UFC1: variants seen among roughly 807,000 people sequenced by gnomAD.
UFC1 encodes ubiquitin-fold modifier-conjugating enzyme 1.
In UFC1, 22 loss-of-function variants were observed where a neutral mutation model predicts 28.0. That is an observed-to-expected ratio of 0.78 (90% CI 0.56 to 1.12). The LOEUF (loss-of-function observed/expected upper bound fraction) is 1.12. UFC1 is among the 50% of genes most tolerant of loss of function. The pLI is 0.00. For synonymous variants in UFC1, 61 were observed against 74.5 expected (o/e 0.82, Z 0.93); for missense variants, 189 against 207.8 (o/e 0.91, Z 0.56).
At chr1:161,157,892 T>TA in intron 4 of UFC1, 199 bp downstream of exon 4, 1 of 624,612 alleles carries the variant, frequency 1.6e-6, no homozygotes, top group South Asian at 2.0e-5. Flanking sequence ...CCTCTGAACT[T>TA]AAAAGATGTA....
At position 161,154,136 on chromosome 1, in the gene UFC1, A is replaced by G. The variant is rs1657439906; in HGVS notation, c.123+16A>G. On this transcript the variant is annotated intron_variant, in intron 1 of 5. Coordinates refer to ENST00000368003, the MANE Select transcript of UFC1 (RefSeq NM_016406.4). ...CCTTATCCGGGTTAGTTGTGTTTCTACAGTCTAACGCGTAGCATAAGGGTT... is the reference window on the plus strand; with the variant it reads ...CCTTATCCGGGTTAGTTGTGTTTCTGCAGTCTAACGCGTAGCATAAGGGTT... 12 of 1,613,784 alleles carry G rather than the reference A, an allele frequency of 7.4e-6. No individual in the cohort carries two copies. The East Asian group carries it at 8.9e-5, about 12-fold the overall frequency.
At chr1:161,158,335 G>T (rs996968542) in intron 5 of UFC1, 77 bp from the exon 6 acceptor site, 1 of 1,591,622 alleles carries the variant, frequency 6.3e-7, no homozygotes, top group Admixed American at 1.7e-5. Context: ...CCCAGAATCT[G>T]TCTCCAGGAA....
At chr1:161,157,414 CTT>C in intron 3 of UFC1, 97 bp downstream of exon 3, 1 of 1,518,910 alleles carries the variant, frequency 6.6e-7, no homozygotes, top group Non-Finnish European at 9.1e-7. Context: ...CCAAAGAAAA[CTT>C]TAAAAATGGG....
At position 161,157,311 on chromosome 1, in the gene UFC1, G is replaced by A. The variant is rs769414580; in HGVS notation, c.249G>A (p.Glu83=). 1.2e-6 allele frequency: 2 copies of A among 1,614,238 alleles called. No homozygotes were observed. The highest frequency in any genetic ancestry group is 1.7e-6 in the Non-Finnish European group (2 of 1,180,036). ...TCCTGAAATATGAGTTTGACATCGA[G>A]TTTGACGTGAGTGTGATAGAGTGGG... ...HDLLKYEFDI[E]FDIPITYPTT... Residue 83 remains glutamate (E), a synonymous_variant, in exon 3 of 6, where the codon GAG becomes GAA. Transcript: ENST00000368003.
At chr1:161,158,076 T>C (rs767585222) in intron 4 of UFC1, 45 bp from the exon 5 acceptor site, 162 of 1,533,410 alleles carry the variant, frequency 1.1e-4, no homozygotes, top group Non-Finnish European at 1.4e-4. Flanking sequence ...CTGTGCTTTA[T>C]GGTAAACTTT....
Position 161,158,523 on chromosome 1 carries a change from AC to A in UFC1, c.*33del. Reference sequence around the variant, plus strand: ...CAAGCCACTGAGGCAGGGCAGAGGGACCTTTGATAGGCTACGATACTATTTT... The same window carrying A: ...CAAGCCACTGAGGCAGGGCAGAGGGACTTTGATAGGCTACGATACTATTTT... On this transcript the variant is annotated 3_prime_UTR_variant, in exon 6 of 6. Transcript: ENST00000368003. 6.2e-7 allele frequency: 1 copy of A among 1,609,862 alleles called. No homozygotes were observed. The highest frequency in any genetic ancestry group is 2.2e-5 in the East Asian group (1 of 44,868).
At position 161,157,026 on chromosome 1, in the gene UFC1, A is replaced by T; in HGVS notation, c.191+9A>T. On this transcript the variant is annotated intron_variant, in intron 2 of 5. Coordinates refer to ENST00000368003, the MANE Select transcript of UFC1 (RefSeq NM_016406.4). Reference sequence around the variant, plus strand: ...AACAAGGAAGGAACTCGGTAGGTAGACCCTCTTGGGAGGTGTGGGGTGGGA... The same window carrying T: ...AACAAGGAAGGAACTCGGTAGGTAGTCCCTCTTGGGAGGTGTGGGGTGGGA... 6.2e-7 allele frequency: 1 copy of T among 1,613,790 alleles called. No homozygotes were observed. The highest frequency in any genetic ancestry group is 1.1e-5 in the South Asian group (1 of 91,060).
Position 161,157,639 on chromosome 1 carries a change from C to T in UFC1, c.278C>T (p.Thr93Ile), listed in dbSNP as rs769577469. The T allele has an allele frequency of 5.0e-6, 8 of 1,613,956 alleles. No homozygotes were observed. Among genetic ancestry groups the T allele is most frequent in the Non-Finnish European group, 6.8e-6 (8 of 1,179,938 alleles). The change falls in exon 4 of 6, where the codon ACT becomes ATT. Residue 93 changes from threonine (T) to isoleucine (I), a missense_variant. Transcript: ENST00000368003. ...EFDIPITYPT[T>I]APEIAVPELD... ...CAGATTCCTATCACATATCCTACTA[C>T]TGCCCCAGAAATTGCAGTTCCTGAG...
Position 161,157,257 on chromosome 1 carries a change from G to A in UFC1, c.195G>A (p.Trp65Ter), listed in dbSNP as rs1657541836. ...TGAGGTTTGGTCTTTGTTACAGGTG[G>A]TTTGGAAAATGCTGGTATATCCATG... ...RLESNKEGTR[W>*]FGKCWYIHDL... is the part of the protein sequence containing the mutation. The change falls in exon 3 of 6, where the codon TGG (tryptophan) becomes TGA (stop). Residue 65 changes from tryptophan to a stop codon, truncating the protein, a stop_gained. Transcript: ENST00000368003. LOFTEE classifies it high-confidence loss of function. The A allele has an allele frequency of 6.2e-7, 1 of 1,614,240 alleles. No individual in the cohort carries two copies. The highest frequency in any genetic ancestry group is 8.5e-7 in the Non-Finnish European group (1 of 1,180,036).
At chr1:161,157,152 G>C in intron 2 of UFC1, 102 bp from the exon 3 acceptor site, 1 of 1,546,192 alleles carries the variant, frequency 6.5e-7, no homozygotes, top group Non-Finnish European at 8.9e-7. Flanking sequence ...GAGTTCCCCA[G>C]TTCCCATCCT....
intron 4 of UFC1, chr1:161,157,905 G>GA (rs144506905): frequency 0.086 from 42,268 of 490,362 alleles, 3 homozygotes; most frequent in South Asian, 0.11. Context: ...AAGATGTAAG[G>GA]AAAAAAAAAA....
intron 1 of UFC1, among the ~76,000 whole-genome samples, chr1:161,156,296 C>A (rs772194847): frequency 3.3e-5 from 5 of 151,700 alleles, no homozygotes; most frequent in Non-Finnish European, 5.9e-5. Flanking sequence ...TTTGGGAGGC[C>A]AAGGTGGGCG....
intron 1 of UFC1, among the ~76,000 whole-genome samples, chr1:161,155,557 A>T (rs1002994231): frequency 1.3e-5 from 2 of 152,192 alleles, no homozygotes; most frequent in Non-Finnish European, 2.9e-5. Flanking sequence ...ATAAGGGGAA[A>T]ATACAATTGA....
At position 161,158,653 on chromosome 1, in the gene UFC1, C is replaced by T; in HGVS notation, c.*161C>T. 2 of 710,420 alleles carry T rather than the reference C, an allele frequency of 2.8e-6. No homozygotes were observed. Among genetic ancestry groups the T allele is most frequent in the South Asian group, 1.7e-5 (1 of 59,608 alleles). The allele number at this position is 710,420 out of a possible 1,614,324, so 44.0% of individuals were successfully genotyped here. ...GGCATTGCTGGGGAAGAAACAAACA[C>T]ACACCAAACAGTACTGCTACTTAGT... is the stretch of plus-strand genomic sequence containing the variant. On this transcript the variant is annotated 3_prime_UTR_variant, in exon 6 of 6. Coordinates refer to ENST00000368003, the MANE Select transcript of UFC1 (RefSeq NM_016406.4).
chr1:161,154,155 A>G lies in UFC1; in HGVS notation c.123+35A>G, dbSNP rs1424307764. 4 of 1,612,660 alleles carry G rather than the reference A, an allele frequency of 2.5e-6. No homozygotes were observed. The African/African-American group carries it at 5.3e-5, about 22-fold the overall frequency. ...GTTTCTACAGTCTAACGCGTAGCAT[A>G]AGGGTTGGGAGAAATCAGGTGTCCT... On this transcript the variant is annotated intron_variant, in intron 1 of 5. Coordinates refer to ENST00000368003, the MANE Select transcript of UFC1 (RefSeq NM_016406.4).
At chr1:161,156,856 A>T in intron 1 of UFC1, 94 bp from the exon 2 acceptor site, 1 of 1,152,196 alleles carries the variant, frequency 8.7e-7, no homozygotes, top group Non-Finnish European at 1.3e-6. Flanking sequence ...AAAAATAAAA[A>T]ATAAAAAAAA....
In UFC1 at chr1:161,154,015, G is replaced by C. The variant is rs1169264815; in HGVS notation, c.18G>C (p.Thr6=). Residue 6 remains threonine (T), a synonymous_variant, in exon 1 of 6, where the codon ACG becomes ACC. Transcript: ENST00000368003. MADEA[T]RRVVSEIPVL... ...GGTCCAAGATGGCGGATGAAGCCACGCGACGTGTTGTGTCTGAGATCCCGG... is the reference window on the plus strand; with the variant it reads ...GGTCCAAGATGGCGGATGAAGCCACCCGACGTGTTGTGTCTGAGATCCCGG... 6.2e-7 allele frequency: 1 copy of C among 1,614,080 alleles called. No homozygotes were observed.
Position 161,157,318 on chromosome 1 carries a change from G to C in UFC1, c.255+1G>C, listed in dbSNP as rs565767505. 2.5e-6 allele frequency: 4 copies of C among 1,614,210 alleles called. No individual in the cohort carries two copies. In the African/African-American group the frequency reaches 4.0e-5, roughly 16 times the overall value. On this transcript the variant is annotated splice_donor_variant, in intron 3 of 5. Coordinates refer to ENST00000368003, the MANE Select transcript of UFC1 (RefSeq NM_016406.4). LOFTEE classifies it high-confidence loss of function. Reference sequence around the variant, plus strand: ...ATATGAGTTTGACATCGAGTTTGACGTGAGTGTGATAGAGTGGGAAATATG... The same window carrying C: ...ATATGAGTTTGACATCGAGTTTGACCTGAGTGTGATAGAGTGGGAAATATG...
chr1:161,158,263 G>C, intron 5 of UFC1, 52 bp downstream of exon 5: 1 of 1,593,546 alleles, frequency 6.3e-7, no homozygotes, highest in Non-Finnish European at 8.6e-7. Context: ...TAGGCCCTGA[G>C]CAGTACAAGA....
Sources: allele counts gnomAD v4.1 joint callset (sites outside exome capture counted in the v4.1 genomes callset), GRCh38; gene constraint gnomAD v4.1.1; transcripts MANE v1.5; gene names NCBI Gene and HGNC (gene_info 2026-07-23, HGNC 2026-07-21).